Variants in MEF2A observed in about 807,000 individuals in gnomAD.
The protein encoded by MEF2A is myocyte enhancer factor 2A, also known as myocyte-specific enhancer factor 2A.
In MEF2A, 28 loss-of-function variants were observed where a neutral mutation model predicts 55.8. That is an observed-to-expected ratio of 0.50 (90% CI 0.37 to 0.69). The LOEUF is 0.69. Among genes scored for constraint, MEF2A ranks in the 30% least tolerant of loss-of-function variants. MEF2A has a pLI of 0.00. For synonymous variants in MEF2A, 239 were observed against 227.1 expected (o/e 1.05, Z -0.47); for missense variants, 528 against 626.2 (o/e 0.84, Z 1.67).
chr15:99,683,106 G>A (rs1015598124), intron 7 of MEF2A, among the ~76,000 whole-genome samples: 3 of 152,110 alleles, frequency 2.0e-5, no homozygotes, highest in African/African-American at 7.2e-5. Flanking sequence ...ATCTCTACTC[G>A]ACAGGATGGC....
chr15:99,565,693 G>GA, upstream of MEF2A: 1 of 152,334 alleles, frequency 6.6e-6, no homozygotes, highest in Non-Finnish European at 1.5e-5. Context: ...CACCCACCCG[G>GA]AAAAACATAG....
chr15:99,597,954 A>G (rs1265368181), intron 1 of MEF2A, among the ~76,000 whole-genome samples: 1 of 152,214 alleles, frequency 6.6e-6, no homozygotes, highest in African/African-American at 2.4e-5. Context: ...AAATATACAC[A>G]TTGTATTGAA....
intron 4 of MEF2A, among the ~76,000 whole-genome samples, chr15:99,653,683 G>A (rs2047222191): frequency 6.6e-6 from 1 of 152,082 alleles, no homozygotes; most frequent in African/African-American, 2.4e-5. Context: ...AACATGAGAA[G>A]GTAAACCTTC....
At chr15:99,638,492 T>TC (rs1567290425) in intron 3 of MEF2A, among the ~76,000 whole-genome samples, 5 of 152,172 alleles carry the variant, frequency 3.3e-5, no homozygotes, top group African/African-American at 1.2e-4. Flanking sequence ...ACTCTTTTTT[T>TC]CTCTGTACTT....
At chr15:99,630,041 CCCT>C (rs1429629036) in intron 2 of MEF2A, among the ~76,000 whole-genome samples, 2 of 148,762 alleles carry the variant, frequency 1.3e-5, no homozygotes, top group African/African-American at 5.0e-5. Context: ...TTCCTTCTCC[CCCT>C]CTCTCCCCTT....
chr15:99,639,708 C>T (rs962998797), intron 3 of MEF2A, among the ~76,000 whole-genome samples: 1 of 152,142 alleles, frequency 6.6e-6, no homozygotes, highest in Non-Finnish European at 1.5e-5. Context: ...TTCCTATTTG[C>T]CCATATACTT....
chr15:99,627,716 A>G (rs1429832045), intron 2 of MEF2A, among the ~76,000 whole-genome samples: 1 of 152,244 alleles, frequency 6.6e-6, no homozygotes, highest in South Asian at 2.1e-4. Flanking sequence ...AGACATTACA[A>G]TATTAGAAGC....
In MEF2A at chr15:99,645,539, A is replaced by G. The variant is rs9888661; in HGVS notation, c.55-22A>G. 868 of 1,560,956 alleles carry G rather than the reference A, an allele frequency of 5.6e-4. 1 individual carries two copies. The African/African-American group carries it at 9.8e-3, about 18-fold the overall frequency. ...AGTACTACTAATGCTTTTAATAAAA[A>G]TATACCTTTTTTATTGTTTAGGTCA... On this transcript the variant is annotated intron_variant, in intron 3 of 11. Transcript: ENST00000557942.
intron 6 of MEF2A, 136 bp downstream of exon 6, chr15:99,674,748 A>AT: frequency 1.4e-6 from 1 of 736,448 alleles, no homozygotes; most frequent in Non-Finnish European, 2.2e-6. Flanking sequence ...AATTGGCCTC[A>AT]TTTTAAAGTA....
intron 9 of MEF2A, among the ~76,000 whole-genome samples, chr15:99,706,000 A>T (rs933088756): frequency 6.6e-6 from 1 of 152,234 alleles, no homozygotes; most frequent in African/African-American, 2.4e-5. Context: ...GACTAACTGG[A>T]TTATTTAATA....
At chr15:99,569,620 A>G (rs964687898) in intron 1 of MEF2A, among the ~76,000 whole-genome samples, 6 of 152,206 alleles carry the variant, frequency 3.9e-5, no homozygotes, top group African/African-American at 1.4e-4. Flanking sequence ...TCTTCAGTGA[A>G]TTCTGTCTTT....
At chr15:99,708,819 A>G (rs1286014707) in intron 10 of MEF2A, among the ~76,000 whole-genome samples, 1 of 152,176 alleles carries the variant, frequency 6.6e-6, no homozygotes, top group Non-Finnish European at 1.5e-5. Context: ...AGCCAGGCAG[A>G]GGAGGCAGAG....
chr15:99,633,549 C>A (rs930203352), intron 3 of MEF2A, among the ~76,000 whole-genome samples: 1 of 151,938 alleles, frequency 6.6e-6, no homozygotes, highest in Admixed American at 6.5e-5. Context: ...TTATAATTAG[C>A]TAAGTTAACT....
chr15:99,677,828 GA>G (rs2052420188), intron 7 of MEF2A, among the ~76,000 whole-genome samples: 1 of 152,120 alleles, frequency 6.6e-6, no homozygotes, highest in South Asian at 2.1e-4. Context: ...CAGGAAGTCA[GA>G]AAAGGACAGC....
chr15:99,632,478 T>C (rs1257184408), intron 2 of MEF2A, among the ~76,000 whole-genome samples: 1 of 152,168 alleles, frequency 6.6e-6, no homozygotes, highest in Non-Finnish European at 1.5e-5. Context: ...TTTTTAAGGA[T>C]ATTCTGTGTT....
At chr15:99,590,810 CAT>C (rs1212579693) in intron 1 of MEF2A, among the ~76,000 whole-genome samples, 1 of 152,012 alleles carries the variant, frequency 6.6e-6, no homozygotes, top group East Asian at 1.9e-4. Flanking sequence ...TTTTATTCTA[CAT>C]GTTATTACCA....
intron 7 of MEF2A, among the ~76,000 whole-genome samples, chr15:99,677,256 G>A (rs1458471742): frequency 6.6e-6 from 1 of 151,962 alleles, no homozygotes; most frequent in African/African-American, 2.4e-5. Flanking sequence ...AACAAACAAT[G>A]GAATCAGCCT....
chr15:99,661,826 T>G (rs910189789), intron 4 of MEF2A, among the ~76,000 whole-genome samples: 2 of 152,104 alleles, frequency 1.3e-5, no homozygotes, highest in African/African-American at 4.8e-5. Context: ...CAGTAGACTA[T>G]CTACAGAAAT....
In MEF2A at chr15:99,712,260, C is replaced by T; in HGVS notation, c.1137-130C>T. The T allele has an allele frequency of 1.4e-6, 2 of 1,413,638 alleles. No individual in the cohort carries two copies. The highest frequency in any genetic ancestry group is 1.8e-6 in the Non-Finnish European group (2 of 1,082,342). The allele number at this position is 1,413,638 out of a possible 1,614,324, so 87.6% of individuals were successfully genotyped here. On this transcript the variant is annotated intron_variant, in intron 11 of 11. Transcript: ENST00000557942. This position sits in a 1 kb window ranked among gnomAD's most constrained non-coding sequence, Gnocchi z 4.1. ...AAGCACTGAAGGAAACGACCCAAAC[C>T]AGTCTTGGGGAACTCTGATAAGATT...
Sources: gnomAD v4.1 joint callset for allele counts (sites outside exome capture counted in the v4.1 genomes callset) on GRCh38, gnomAD v4.1.1 for gene constraint, Gnocchi (gnomAD v3.1) non-coding constraint, MANE v1.5 for transcripts, NCBI Gene and HGNC (gene_info 2026-07-23, HGNC 2026-07-21) for gene names.